Variants in ZUP1 observed in about 807,000 individuals in gnomAD.
ZUP1 encodes the protein zinc finger containing ubiquitin peptidase 1.
ZUP1 carries 55 observed loss-of-function variants against 68.1 expected under a neutral mutation model. That is an observed-to-expected ratio of 0.81 (90% confidence interval 0.65 to 1.01). The LOEUF is 1.01. ZUP1 is among the 50% of genes least tolerant of loss of function. The probability of loss-of-function intolerance (pLI) is 0.00; values close to 1 mark genes in which losing one functional copy is unlikely to be tolerated. For synonymous variants in ZUP1, 223 were observed against 221.5 expected (o/e 1.01, Z -0.06); for missense variants, 684 against 674.9 (o/e 1.01, Z -0.15).
chr6:116,666,431 A>G (rs747731753), intron 2 of ZUP1, among the ~76,000 whole-genome samples: 1 of 152,246 alleles, frequency 6.6e-6, no homozygotes, highest in African/African-American at 2.4e-5. Flanking sequence ...CTCTCAATGT[A>G]GCTGAAACAT....
intron 2 of ZUP1, among the ~76,000 whole-genome samples, chr6:116,665,792 C>T (rs1376236731): frequency 7.5e-5 from 11 of 147,188 alleles, no homozygotes; most frequent in African/African-American, 2.8e-4. Flanking sequence ...GCTTTTGCCA[C>T]ATTGCCCAGG....
At chr6:116,659,059 A>C in intron 3 of ZUP1, 135 bp from the exon 4 acceptor site, 1 of 777,074 alleles carries the variant, frequency 1.3e-6, no homozygotes, top group Non-Finnish European at 1.9e-6. Flanking sequence ...TATGGAACTG[A>C]GTACAAATTT....
chr6:116,652,221 T>C, intron 5 of ZUP1, 29 bp from the exon 6 acceptor site: 1 of 1,572,200 alleles, frequency 6.4e-7, no homozygotes, highest in Non-Finnish European at 8.7e-7. Flanking sequence ...TCAGAAGCAG[T>C]CATTATCACC....
chr6:116,652,132 C>T lies in ZUP1; in HGVS notation c.1022G>A (p.Trp341Ter), dbSNP rs1776523018. Residue 341 changes from tryptophan (W) to a stop codon, truncating the protein, a stop_gained, in exon 6 of 10, where the codon TGG (tryptophan) becomes TAG (stop). Transcript: ENST00000368576. LOFTEE classifies it high-confidence loss of function. ...AAAGTGATCCACCACTGAAGAAAGCCACACCCGTCTCACATCTGTGGCAGC... is the reference window on the plus strand; with the variant it reads ...AAAGTGATCCACCACTGAAGAAAGCTACACCCGTCTCACATCTGTGGCAGC... ...QNAATDVRRV[W>*]LSSVVDHFHS... 1 of 1,613,878 alleles carries T rather than the reference C, an allele frequency of 6.2e-7. No homozygotes were observed. The highest frequency in any genetic ancestry group is 1.3e-5 in the African/African-American group (1 of 74,924).
At chr6:116,659,456 G>C (rs1422119545) in intron 3 of ZUP1, among the ~76,000 whole-genome samples, 1 of 152,006 alleles carries the variant, frequency 6.6e-6, no homozygotes, top group Non-Finnish European at 1.5e-5. Context: ...GCTGTGACAA[G>C]CACTTTTCAT....
At position 116,647,302 on chromosome 6, in the gene ZUP1, C is replaced by T. The variant is rs143404980; in HGVS notation, c.1468+157G>A. ...TGAACCTGGAAGGTGGAGGTTGCAG[C>T]GAGCCAAGATTGCACCACTGCACTC... On this transcript the variant is annotated intron_variant, in intron 8 of 9. Transcript: ENST00000368576. Among the ~76,000 whole-genome samples, 1,060 of 151,992 alleles carry T rather than the reference C, an allele frequency of 7.0e-3. 16 individuals carry two copies. Among genetic ancestry groups the T allele is most frequent in the African/African-American group, 0.022 (932 of 41,442 alleles).
At chr6:116,647,177 G>A (rs1023935085) in intron 8 of ZUP1, among the ~76,000 whole-genome samples, 23 of 152,198 alleles carry the variant, frequency 1.5e-4, no homozygotes, top group African/African-American at 5.5e-4. Flanking sequence ...TGGCCAACAT[G>A]GTGAAACCCC....
rs565699602 is a variant in ZUP1, at chr6:116,650,415, T to TCCG, written c.1316+1154_1316+1156dup. On this transcript the variant is annotated intron_variant, in intron 7 of 9. Transcript: ENST00000368576. ...CCAGCCTGGGCAACACAGCAAAAACTCCGTCTCAAAAAAAAAAAAAAAAAA... is the reference window on the plus strand; with the variant it reads ...CCAGCCTGGGCAACACAGCAAAAACTCCGCCGTCTCAAAAAAAAAAAAAAAAAA... Among the ~76,000 whole-genome samples the TCCG allele has an allele frequency of 2.0e-4, 11 of 55,382 alleles. No individual in the cohort carries two copies. The East Asian group carries it at 5.1e-3, about 26-fold the overall frequency. The allele number at this position is 55,382 out of a possible 152,430, so 36.3% of individuals were successfully genotyped here.
intron 9 of ZUP1, among the ~76,000 whole-genome samples, chr6:116,638,545 T>G (rs1350997371): frequency 6.6e-6 from 1 of 152,002 alleles, no homozygotes; most frequent in Non-Finnish European, 1.5e-5. Context: ...GCCTTAGGAG[T>G]CACAAGAATC....
intron 2 of ZUP1, among the ~76,000 whole-genome samples, chr6:116,661,344 A>C (rs1776833980): frequency 7.0e-6 from 1 of 143,484 alleles, no homozygotes; most frequent in Non-Finnish European, 1.5e-5. Context: ...CTCTCATACC[A>C]CTCCAAAAAA....
intron 4 of ZUP1, among the ~76,000 whole-genome samples, chr6:116,658,473 T>C (rs1421531363): frequency 6.6e-6 from 1 of 152,190 alleles, no homozygotes; most frequent in Non-Finnish European, 1.5e-5. Context: ...TTACACAGGT[T>C]TGAATGCAAG....
rs749741136 is a variant in ZUP1, at chr6:116,651,531, C to A, written c.1316+41G>T. On this transcript the variant is annotated intron_variant, in intron 7 of 9. Coordinates refer to ENST00000368576, the MANE Select transcript of ZUP1 (RefSeq NM_145062.3). ...TAAAATTTTACAAAACAAAGCTCCCCGATAAGGAAATAACATTTATTTAGG... is the reference window on the plus strand; with the variant it reads ...TAAAATTTTACAAAACAAAGCTCCCAGATAAGGAAATAACATTTATTTAGG... The A allele has an allele frequency of 1.1e-5, 16 of 1,490,938 alleles. 1 individual carries two copies. The East Asian group carries it at 3.3e-4, about 31-fold the overall frequency. The allele number at this position is 1,490,938 out of a possible 1,614,324, so 92.4% of individuals were successfully genotyped here.
At chr6:116,658,360 T>G (rs1776729508) in intron 4 of ZUP1, among the ~76,000 whole-genome samples, 2 of 152,220 alleles carry the variant, frequency 1.3e-5, no homozygotes, top group African/African-American at 4.8e-5. Context: ...TGTAAAATAA[T>G]TTAAGACTCA....
Position 116,656,706 on chromosome 6 carries a change from G to A in ZUP1, c.939C>T (p.Asp313=), listed in dbSNP as rs767895524. Residue 313 remains aspartate, a synonymous_variant, in exon 5 of 10, where the codon GAC becomes GAT. Transcript: ENST00000368576. ...CACCGGAAGTTTTTGTTTTTCCATC[G>A]TCAAAACCAAGAGCTAATGATTCCA... ...DMMESLALGF[D]DGKTKTSGII... is the part of the protein sequence containing the mutation. 2.0e-5 allele frequency: 32 copies of A among 1,608,586 alleles called. No individual in the cohort carries two copies. The East Asian group carries it at 2.0e-4, about 10-fold the overall frequency.
intron 9 of ZUP1, among the ~76,000 whole-genome samples, chr6:116,642,320 T>G (rs1371072584): frequency 6.6e-6 from 1 of 152,136 alleles, no homozygotes; most frequent in African/African-American, 2.4e-5. Context: ...GAGGGAATCC[T>G]CCCTAACTCA....
chr6:116,662,547 T>C (rs1373654010), intron 2 of ZUP1, among the ~76,000 whole-genome samples: 1 of 152,300 alleles, frequency 6.6e-6, no homozygotes, highest in East Asian at 1.9e-4. Flanking sequence ...CTGAAGGACA[T>C]CTGCTAATCT....
intron 5 of ZUP1, among the ~76,000 whole-genome samples, chr6:116,656,088 G>GT (rs535839768): frequency 7.3e-5 from 10 of 137,586 alleles, no homozygotes; most frequent in East Asian, 2.1e-4. Context: ...TTTTTTTTTT[G>GT]TTTTTTTTGA....
At chr6:116,650,139 C>T (rs1374706859) in intron 7 of ZUP1, among the ~76,000 whole-genome samples, 1 of 151,922 alleles carries the variant, frequency 6.6e-6, no homozygotes, top group African/African-American at 2.4e-5. Flanking sequence ...GGTAAAGAAG[C>T]AGGCCGGGCG....
rs1435192690 is a variant in ZUP1, at chr6:116,656,836, T to G, written c.809A>C (p.Asp270Ala). ...FQKLQRQYGL[D>A]NSGGYKQQQL... ...TTGTTGTTTGTATCCTCCAGAATTA[T>G]CTAAACCATATTGTCTCTATTGAAC... is the stretch of plus-strand genomic sequence containing the variant. Residue 270 changes from aspartate (D) to alanine (A), a missense_variant, in exon 5 of 10, where the codon GAT becomes GCT. Asp to Ala is a moderately radical substitution (Grantham distance 126). Transcript: ENST00000368576. The G allele has an allele frequency of 1.2e-6, 2 of 1,601,848 alleles. No homozygotes were observed. The highest frequency in any genetic ancestry group is 3.4e-5 in the Admixed American group (2 of 58,514).
Sources: allele counts gnomAD v4.1 joint callset (sites outside exome capture counted in the v4.1 genomes callset), GRCh38; gene constraint gnomAD v4.1.1; transcripts MANE v1.5; gene names NCBI Gene and HGNC (gene_info 2026-07-23, HGNC 2026-07-21).